The following PREPL variants were observed in gnomAD, a reference collection of about 807,000 sequenced individuals.
PREPL encodes prolyl endopeptidase-like.
A neutral mutation model predicts 70.6 loss-of-function variants in PREPL; 77 were observed. The observed-to-expected ratio is 1.09, with a 90% confidence interval of 0.91 to 1.32. The LOEUF is 1.32. Among genes scored for constraint, PREPL ranks in the 40% most tolerant of loss-of-function variants. PREPL has a pLI of 0.00. For synonymous variants in PREPL, 315 were observed against 264.8 expected (o/e 1.19, Z -1.84); for missense variants, 1,002 against 778.2 (o/e 1.29, Z -3.42).
Position 44,320,005 on chromosome 2 carries a change from C to T in PREPL, c.*1351G>A, listed in dbSNP as rs1672787661. On this transcript the variant is annotated 3_prime_UTR_variant, in exon 14 of 14. Transcript: ENST00000409411. ...TTATTGACTCCCAGACAAGCCGAAA[C>T]CCCGAATTTGTCATTTCTATCAGTT... The T allele has an allele frequency of 1.7e-6, 1 of 586,050 alleles. No individual in the cohort carries two copies. The highest frequency in any genetic ancestry group is 2.9e-5 in the East Asian group (1 of 34,448). 36.3% of individuals were successfully genotyped at this position (586,050 alleles called of 1,614,324 possible).
intron 1 of PREPL, among the ~76,000 whole-genome samples, chr2:44,350,046 C>G: frequency 6.6e-6 from 1 of 151,886 alleles, no homozygotes; most frequent in South Asian, 2.1e-4. Flanking sequence ...TTTCATACGT[C>G]AACTATTTAA....
intron 1 of PREPL, among the ~76,000 whole-genome samples, chr2:44,359,233 A>G (rs147156593): frequency 2.5e-4 from 38 of 151,942 alleles, no homozygotes; most frequent in African/African-American, 8.9e-4. Context: ...ACGCCTAGCT[A>G]ACTTTTGTAT....
At chr2:44,350,378 A>T (rs1484761656) in intron 1 of PREPL, among the ~76,000 whole-genome samples, 1 of 152,200 alleles carries the variant, frequency 6.6e-6, no homozygotes, top group Non-Finnish European at 1.5e-5. Flanking sequence ...GGGAAAAAAT[A>T]AAAAATAATC....
chr2:44,344,659 A>G (rs1558509464), intron 2 of PREPL, 73 bp from the exon 3 acceptor site: 1 of 1,148,778 alleles, frequency 8.7e-7, no homozygotes. Flanking sequence ...ATTCAAGATG[A>G]AGATGAAATG....
At chr2:44,337,822 C>T (rs1478626541) in intron 7 of PREPL, among the ~76,000 whole-genome samples, 1 of 152,218 alleles carries the variant, frequency 6.6e-6, no homozygotes, top group Admixed American at 6.5e-5. Flanking sequence ...TTCTGTGCTG[C>T]TGTGGAGACC....
rs78038783 is a variant in PREPL, at chr2:44,340,857, C to T, written c.486-1494G>A. On this transcript the variant is annotated intron_variant, in intron 5 of 13. Transcript: ENST00000409411. The stretch of plus-strand genomic sequence containing the variant: ...GTAGAAGAATCACTTGAACCTGGGA[C>T]GCAGAGGTTGCAGTGAGCTGAGATT... 1.9e-4 allele frequency among the ~76,000 whole-genome samples: 28 copies of T among 149,484 alleles called. 1 individual carries two copies. The East Asian group carries it at 3.7e-3, about 20-fold the overall frequency.
chr2:44,356,047 T>G (rs1572579175), intron 1 of PREPL, among the ~76,000 whole-genome samples: 2 of 152,102 alleles, frequency 1.3e-5, no homozygotes, highest in Non-Finnish European at 2.9e-5. Context: ...GGCTTGTAAG[T>G]ATAATAGAGT....
intron 3 of PREPL, among the ~76,000 whole-genome samples, 182 bp downstream of exon 3, chr2:44,344,338 C>A (rs1015005968): frequency 2.0e-5 from 3 of 151,970 alleles, no homozygotes; most frequent in Admixed American, 1.3e-4. Flanking sequence ...TTCTCCCTGC[C>A]AAAGCTTCTG....
Position 44,359,465 on chromosome 2 carries a change from C to A in PREPL, c.-49+1915G>T, listed in dbSNP as rs1365093477. 4.1e-6 allele frequency: 6 copies of A among 1,448,142 alleles called. No individual in the cohort carries two copies. In the East Asian group the frequency reaches 1.4e-4, roughly 33 times the overall value. The allele number at this position is 1,448,142 out of a possible 1,614,324, so 89.7% of individuals were successfully genotyped here. On this transcript the variant is annotated intron_variant, in intron 1 of 13. Coordinates refer to ENST00000409411, the MANE Select transcript of PREPL (RefSeq NM_001171613.2). ...TTTAAATTAAAATTAATCTTAATGA[C>A]CTACAAATAGGTTAACTTAAACAGT...
chr2:44,324,265 A>G (rs1673271916), intron 10 of PREPL, among the ~76,000 whole-genome samples: 2 of 152,188 alleles, frequency 1.3e-5, no homozygotes. Flanking sequence ...GCAAATGGAG[A>G]GCTGTTTAAT....
chr2:44,324,795 G>C (rs940161140), intron 10 of PREPL, among the ~76,000 whole-genome samples: 3 of 152,166 alleles, frequency 2.0e-5, no homozygotes, highest in Non-Finnish European at 2.9e-5. Flanking sequence ...GCTGAGGTGG[G>C]AGGATCACCT....
Position 44,321,304 on chromosome 2 carries a change from A to G in PREPL, c.*52T>C. 7.1e-7 allele frequency: 1 copy of G among 1,411,006 alleles called. No homozygotes were observed. Among genetic ancestry groups the G allele is most frequent in the South Asian group, 1.2e-5 (1 of 81,108 alleles). The allele number at this position is 1,411,006 out of a possible 1,614,324, so 87.4% of individuals were successfully genotyped here. A position where few individuals can be genotyped will look rare whatever the true frequency, so the allele number is the denominator to read the frequency against. ...TTTTTTTGCTAACTCAATTGGAAGT[A>G]AGACTATGAAATATTTCAGTGTGTT... On this transcript the variant is annotated 3_prime_UTR_variant, in exon 14 of 14. Coordinates refer to ENST00000409411, the MANE Select transcript of PREPL (RefSeq NM_001171613.2).
At chr2:44,321,522 A>G (rs904353615) in intron 13 of PREPL, 77 bp from the exon 14 acceptor site, 11 of 1,557,232 alleles carry the variant, frequency 7.1e-6, no homozygotes, top group East Asian at 2.3e-5. Flanking sequence ...CTCTTTATCT[A>G]TCCATCTTTA....
In PREPL at chr2:44,326,704, G is replaced by C. The variant is rs202009058; in HGVS notation, c.1479+8C>G. The C allele has an allele frequency of 3.1e-6, 5 of 1,608,444 alleles. No individual in the cohort carries two copies. The African/African-American group carries it at 6.7e-5, about 22-fold the overall frequency. Reference sequence around the variant, plus strand: ...ATTCTATAAACAGTAGAGACAGAGCGTACTCACCTCCAAAGTCACCGCTCT... The same window carrying C: ...ATTCTATAAACAGTAGAGACAGAGCCTACTCACCTCCAAAGTCACCGCTCT... On this transcript the variant is annotated splice_region_variant and intron_variant, in intron 10 of 13. Transcript: ENST00000409411.
chr2:44,326,904 C>A lies in PREPL; in HGVS notation c.1287G>T (p.Gln429His), dbSNP rs543197567. 10 of 1,614,118 alleles carry A rather than the reference C, an allele frequency of 6.2e-6. No individual in the cohort carries two copies. The African/African-American group carries it at 8.0e-5, about 13-fold the overall frequency. ...HVRGGGELGL[Q>H]WHADGRLTKK... Reference sequence around the variant, plus strand: ...TAGTTAGGCGGCCATCAGCGTGCCACTGGAGGCCTAACTCACCACCACCTC... The same window carrying A: ...TAGTTAGGCGGCCATCAGCGTGCCAATGGAGGCCTAACTCACCACCACCTC... Residue 429 changes from glutamine to histidine, a missense_variant, in exon 10 of 14, where the codon CAG (glutamine) becomes CAT (histidine). Physicochemically the swap from Gln to His is conservative, Grantham distance 24. Transcript: ENST00000409411.
rs763672176 is a variant in PREPL, at chr2:44,338,412, T to C, written c.827A>G (p.His276Arg). Residue 276 changes from histidine (H) to arginine (R), a missense_variant, in exon 7 of 14, where the codon CAC (histidine) becomes CGC (arginine). Transcript: ENST00000409411. ...CACATTAACATAAAGGAGATTGCTG[T>C]GCTTCAGAAATAGAACACAGTGATC... is the stretch of plus-strand genomic sequence containing the variant. ...FKDHCVLFLK[H>R]SNLLYVNVIG... 29 of 1,613,738 alleles carry C rather than the reference T, an allele frequency of 1.8e-5. No homozygotes were observed. The highest frequency in any genetic ancestry group is 2.5e-5 in the Non-Finnish European group (29 of 1,179,886).
At position 44,323,340 on chromosome 2, in the gene PREPL, T is replaced by G. The variant is rs1673170410; in HGVS notation, c.1551A>C (p.Glu517Asp). The change falls in exon 11 of 14, where the codon GAA (glutamate) becomes GAC (aspartate). Residue 517 changes from glutamate to aspartate, a missense_variant. By Grantham distance (45) the Glu-to-Asp change is conservative. Coordinates refer to ENST00000409411, the MANE Select transcript of PREPL (RefSeq NM_001171613.2). ...TLPLTLEELE[E>D]WGNPSSDEKH... The stretch of plus-strand genomic sequence containing the variant: ...TTTCATCAGATGAAGGATTCCCCCA[T>G]TCTTCTAATTCTTCTAATGTCAGAG... 6.3e-7 allele frequency: 1 copy of G among 1,599,850 alleles called. No homozygotes were observed. The highest frequency in any genetic ancestry group is 2.2e-5 in the East Asian group (1 of 44,722).
intron 2 of PREPL, among the ~76,000 whole-genome samples, chr2:44,345,833 A>G (rs1675748240): frequency 6.6e-6 from 1 of 152,326 alleles, no homozygotes; most frequent in South Asian, 2.1e-4. Flanking sequence ...ACTTCTCCTT[A>G]GAATGATTAA....
chr2:44,344,452 A>C (rs539279040), intron 3 of PREPL, 68 bp downstream of exon 3: 2 of 1,157,374 alleles, frequency 1.7e-6, no homozygotes, highest in Non-Finnish European at 2.4e-6. Context: ...TTGAGAAATT[A>C]ATAAATTTCC....
Sources: allele counts gnomAD v4.1 joint callset (sites outside exome capture counted in the v4.1 genomes callset), GRCh38; gene constraint gnomAD v4.1.1; transcripts MANE v1.5; gene names NCBI Gene and HGNC (gene_info 2026-07-23, HGNC 2026-07-21).